Variants in HLA-F observed in about 807,000 individuals in gnomAD.
HLA-F encodes HLA class I histocompatibility antigen, alpha chain F.
Under a neutral mutation model 49.5 loss-of-function variants are expected in HLA-F, and 46 were observed. The observed-to-expected ratio is 0.93, with a 90% CI of 0.73 to 1.19. The LOEUF (loss-of-function observed/expected upper bound fraction) is 1.19. HLA-F is among the 50% of genes most tolerant of loss of function. The probability of loss-of-function intolerance (pLI) is 0.00; values close to 1 mark genes in which losing one functional copy is unlikely to be tolerated. For synonymous variants in HLA-F, 203 were observed against 233.5 expected, an observed-to-expected ratio of 0.87 and a Z score of 1.19; for missense variants, 496 against 579.6, an observed-to-expected ratio of 0.86 and a Z score of 1.48.
chr6:29,729,761 T>A (rs531566356), downstream of HLA-F, among the ~76,000 whole-genome samples: 1 of 152,246 alleles, frequency 6.6e-6, no homozygotes, highest in East Asian at 1.9e-4. Flanking sequence ...GATAAAGAAT[T>A]AATATCCAGA....
intron 3 of HLA-F, chr6:29,735,351 G>GTGTGTATA (rs1554230958): frequency 8.8e-6 from 1 of 113,956 alleles, no homozygotes; most frequent in Non-Finnish European, 1.8e-5. Context: ...GTATATATAT[G>GTGTGTATA]TATATATATG....
Position 29,727,239 on chromosome 6 carries a change from C to T in HLA-F, c.*64C>T. 9.9e-7 allele frequency: 1 copy of T among 1,008,084 alleles called. No homozygotes were observed. The allele number at this position is 1,008,084 out of a possible 1,614,324, so 62.4% of individuals were successfully genotyped here. On this transcript the variant is annotated 3_prime_UTR_variant, in exon 7 of 7. Coordinates refer to ENST00000259951, the MANE Select transcript of HLA-F (RefSeq NM_001098479.2). ...CCACTAAATACTTCATCACACACCT[C>T]CTAAGAATAAGAACCAACATTATCA...
chr6:29,723,588 G>T (rs1775605075), intron 1 of HLA-F, 61 bp downstream of exon 1: 2 of 1,596,780 alleles, frequency 1.3e-6, no homozygotes, highest in Non-Finnish European at 1.7e-6. Flanking sequence ...CCCGCCCGGT[G>T]GGGGCGCAGG....
Position 29,724,387 on chromosome 6 carries a change from C to A in HLA-F, c.549C>A (p.Gly183=). ...AGGAGTTCAGGACCTACCTGGAGGG[C>A]GAGTGCCTGGAGTTGCTCCGCAGAT... The part of the protein sequence containing the change: ...YAEEFRTYLE[G]ECLELLRRYL... The change falls in exon 3 of 7, where the codon GGC becomes GGA. Residue 183 remains glycine (G), a synonymous_variant. Coordinates refer to ENST00000259951, the MANE Select transcript of HLA-F (RefSeq NM_001098479.2). 1 of 1,613,226 alleles carries A rather than the reference C, an allele frequency of 6.2e-7. No individual in the cohort carries two copies. Among genetic ancestry groups the A allele is most frequent in the Non-Finnish European group, 8.5e-7 (1 of 1,180,024 alleles).
At chr6:29,737,392 G>A (rs115130761) in intron 3 of HLA-F, among the ~76,000 whole-genome samples, 3,200 of 152,120 alleles carry the variant, frequency 0.021, 75 homozygotes, top group African/African-American at 0.051. Flanking sequence ...AGGAATCTAT[G>A]GAATAAATGA....
chr6:29,726,505 A>C (rs537785017), intron 6 of HLA-F: 12 of 1,552,662 alleles, frequency 7.7e-6, no homozygotes, highest in Admixed American at 1.9e-5. Context: ...ATAAAGAATA[A>C]AAATATATCT....
chr6:29,730,571 T>G (rs1305068356), downstream of HLA-F, among the ~76,000 whole-genome samples: 3 of 152,104 alleles, frequency 2.0e-5, no homozygotes, highest in Non-Finnish European at 4.4e-5. Context: ...TACCACAATA[T>G]TAACAAGTAT....
chr6:29,730,121 G>C (rs7742523), downstream of HLA-F, among the ~76,000 whole-genome samples: 1 of 152,046 alleles, frequency 6.6e-6, no homozygotes, highest in African/African-American at 2.4e-5. Context: ...ACTCATGCTC[G>C]TAGCAGCACT....
Position 29,724,184 on chromosome 6 carries a change from C to G in HLA-F, c.346C>G (p.Leu116Val). 1 of 1,613,074 alleles carries G rather than the reference C, an allele frequency of 6.2e-7. No homozygotes were observed. The highest frequency in any genetic ancestry group is 8.5e-7 in the Non-Finnish European group (1 of 1,180,002). Residue 116 changes from leucine to valine, a missense_variant, in exon 3 of 7, where the codon CTC becomes GTC. Coordinates refer to ENST00000259951, the MANE Select transcript of HLA-F (RefSeq NM_001098479.2). ...YNQSEAGSHT[L>V]QGMNGCDMGP... ...CGGGGACCGGCTAGGGTCTCACACC[C>G]TCCAGGGAATGAATGGCTGCGACAT...
At chr6:29,725,693 CCT>C in intron 5 of HLA-F, 130 bp downstream of exon 5, 1 of 795,118 alleles carries the variant, frequency 1.3e-6, no homozygotes, top group Non-Finnish European at 2.1e-6. Context: ...CAGCCTGGGC[CCT>C]GTGTGCCAGC....
At chr6:29,733,531 T>C (rs2523396) in intron 3 of HLA-F, among the ~76,000 whole-genome samples, 59,959 of 152,108 alleles carry the variant, frequency 0.39, 12,007 homozygotes, top group Non-Finnish European at 0.44. Flanking sequence ...GATGGGAGAA[T>C]CACTTGAGCC....
rs548431137 is a variant in HLA-F, at chr6:29,726,997, G to T, written c.1151G>T (p.Arg384Leu). The change falls in exon 7 of 7, where the codon CGC becomes CTC. Residue 384 changes from arginine (R) to leucine (L), a missense_variant. Arg to Leu is a moderately radical substitution (Grantham distance 102). Transcript: ENST00000259951. The stretch of plus-strand genomic sequence containing the variant: ...CTCCGGAGTCACAGTGTCTTGGGCC[G>T]CCGGAAGGTGGGTGACATGTGGATC... Reference protein sequence around the residue: ...GCLRSHSVLGRRKVGDMWILF... With the variant: ...GCLRSHSVLGLRKVGDMWILF... 4 of 1,613,362 alleles carry T rather than the reference G, an allele frequency of 2.5e-6. No individual in the cohort carries two copies. Among genetic ancestry groups the T allele is most frequent in the Non-Finnish European group, 3.4e-6 (4 of 1,180,024 alleles).
rs748286540 is a variant in HLA-F at position 29,726,034 on chromosome 6, C to T, written c.1027C>T (p.Gln343Ter). Residue 343 changes from glutamine (Q) to a stop codon, truncating the protein, a stop_gained, in exon 6 of 7, where the codon CAG becomes TAG. Transcript: ENST00000259951. LOFTEE classifies it high-confidence loss of function. ...SSDRNRGSYS[Q>*]AAAYSVVSGN... Reference sequence around the variant, plus strand: ...AGATAGAAACAGAGGGAGCTACTCTCAGGCTGCAGGTAAGATGAAGGAGGC... The same window carrying T: ...AGATAGAAACAGAGGGAGCTACTCTTAGGCTGCAGGTAAGATGAAGGAGGC... The T allele has an allele frequency of 3.7e-6, 6 of 1,613,974 alleles. No individual in the cohort carries two copies. Among genetic ancestry groups the T allele is most frequent in the South Asian group, 1.1e-5 (1 of 91,086 alleles).
chr6:29,736,717 C>T, intron 3 of HLA-F: 1 of 237,688 alleles, frequency 4.2e-6, no homozygotes, highest in Admixed American at 5.4e-5. Flanking sequence ...CAGTTCTGGA[C>T]ACAGTCACTG....
chr6:29,732,636 TG>T (rs1776724622), intron 3 of HLA-F, among the ~76,000 whole-genome samples: 1 of 151,914 alleles, frequency 6.6e-6, no homozygotes. Flanking sequence ...TTAGTACAGA[TG>T]GGGTTTCACC....
At chr6:29,730,120 C>T (rs998226552), downstream of HLA-F, among the ~76,000 whole-genome samples, 1 of 152,172 alleles carries the variant, frequency 6.6e-6, no homozygotes, top group Non-Finnish European at 1.5e-5. Flanking sequence ...CACTCATGCT[C>T]GTAGCAGCAC....
intron 3 of HLA-F, chr6:29,735,923 A>T (rs970408631): frequency 1.3e-5 from 2 of 152,244 alleles, no homozygotes; most frequent in Non-Finnish European, 2.9e-5. Context: ...TCCATTCTGC[A>T]TGGTGAAATT....
downstream of HLA-F, chr6:29,729,367 T>C (rs1215582799): frequency 6.6e-6 from 1 of 152,202 alleles, no homozygotes; most frequent in East Asian, 1.9e-4. Flanking sequence ...GCTCACTGCA[T>C]CTTACAAGTG....
At chr6:29,728,374 A>G, downstream of HLA-F, 1 of 313,432 alleles carries the variant, frequency 3.2e-6, no homozygotes, top group Non-Finnish European at 6.3e-6. Context: ...CCTTCCCATG[A>G]GACTGCATGC....
Sources: gnomAD v4.1 joint callset for allele counts (sites outside exome capture counted in the v4.1 genomes callset) on GRCh38, gnomAD v4.1.1 for gene constraint, MANE v1.5 for transcripts, NCBI Gene and HGNC (gene_info 2026-07-23, HGNC 2026-07-21) for gene names.